Variants in ADGRF5 observed in about 807,000 individuals in gnomAD.
The protein encoded by ADGRF5 is G-protein coupled receptor 116.
Under a neutral mutation model 132.3 loss-of-function variants are expected in ADGRF5, and 75 were observed. The ratio of observed to expected loss-of-function variants is 0.57; its 90% CI spans 0.47 to 0.69. ADGRF5 has a LOEUF of 0.69. ADGRF5 is among the 30% of genes least tolerant of loss of function. ADGRF5 has a pLI of 0.00. For missense variants in ADGRF5, 1,516 were observed against 1,630.6 expected (o/e 0.93, Z 1.21); for synonymous variants, 629 against 597.6 (o/e 1.05, Z -0.77).
In ADGRF5 at chr6:46,881,093, C is replaced by A. The variant is rs1320821223; in HGVS notation, c.814+362G>T. On this transcript the variant is annotated intron_variant, in intron 8 of 20. Transcript: ENST00000283296. ...CCAGCCGGGATGACAGAGGGCTGCA[C>A]TCTGAGGCCTACTGCTCTAAAACAA... Among the ~76,000 whole-genome samples, 3 of 152,194 alleles carry A rather than the reference C, an allele frequency of 2.0e-5. No individual in the cohort carries two copies. In the East Asian group the frequency reaches 5.8e-4, roughly 29 times the overall value.
At position 46,853,842 on chromosome 6, in the gene ADGRF5, A is replaced by G. The variant is rs1768737166; in HGVS notation, c.*150T>C. The G allele has an allele frequency of 1.3e-5, 8 of 601,128 alleles. No individual in the cohort carries two copies. The highest frequency in any genetic ancestry group is 2.1e-5 in the Non-Finnish European group (7 of 338,250). 37.2% of individuals were successfully genotyped at this position (601,128 alleles called of 1,614,324 possible). A position where few individuals can be genotyped will look rare whatever the true frequency, so the allele number is the denominator to read the frequency against. On this transcript the variant is annotated 3_prime_UTR_variant, in exon 21 of 21. Coordinates refer to ENST00000283296, the MANE Select transcript of ADGRF5 (RefSeq NM_001098518.2). Reference sequence around the variant, plus strand: ...AATTATTTTTATTCTGTCTTTACAAAAGAAAGCCTCTTCTCTATGAAAAAG... The same window carrying G: ...AATTATTTTTATTCTGTCTTTACAAGAGAAAGCCTCTTCTCTATGAAAAAG...
intron 3 of ADGRF5, among the ~76,000 whole-genome samples, chr6:46,896,648 T>C (rs1193103929): frequency 7.8e-6 from 1 of 128,782 alleles, no homozygotes; most frequent in Non-Finnish European, 1.6e-5. Flanking sequence ...TAAAGTAATA[T>C]GTGTGAGATA....
intron 1 of ADGRF5, among the ~76,000 whole-genome samples, chr6:46,920,129 T>A (rs1447055467): frequency 1.3e-5 from 2 of 152,238 alleles, no homozygotes; most frequent in African/African-American, 2.4e-5. Flanking sequence ...TCTAGTTAAT[T>A]TCCTGTTATT....
intron 11 of ADGRF5, chr6:46,869,431 A>G: frequency 1.0e-6 from 1 of 974,894 alleles, no homozygotes. Context: ...GCTCCCCTCC[A>G]ACCTCCTCTG....
At chr6:46,897,364 CT>C (rs1019164402) in intron 3 of ADGRF5, among the ~76,000 whole-genome samples, 2 of 151,972 alleles carry the variant, frequency 1.3e-5, no homozygotes, top group Non-Finnish European at 2.9e-5. Context: ...TGTTTTTCTC[CT>C]AGAACCTTTG....
At chr6:46,943,862 A>C (rs1207005422) in intron 1 of ADGRF5, among the ~76,000 whole-genome samples, 1 of 152,194 alleles carries the variant, frequency 6.6e-6, no homozygotes, top group South Asian at 2.1e-4. Context: ...GCGATACAGA[A>C]TTCTCTTCCA....
chr6:46,915,586 C>A (rs182599147), intron 1 of ADGRF5, among the ~76,000 whole-genome samples: 138 of 152,298 alleles, frequency 9.1e-4, no homozygotes, highest in African/African-American at 3.2e-3. Flanking sequence ...GGCCCCCATC[C>A]ATTCCATCTC....
intron 2 of ADGRF5, among the ~76,000 whole-genome samples, chr6:46,903,751 G>C (rs934418825): frequency 5.9e-5 from 9 of 152,058 alleles, no homozygotes; most frequent in African/African-American, 2.2e-4. Context: ...ATATTCAGAG[G>C]GGTTTATTTG....
chr6:46,869,189 G>A lies in ADGRF5; in HGVS notation c.1412-97C>T, dbSNP rs573385505. On this transcript the variant is annotated intron_variant, in intron 11 of 20. Coordinates refer to ENST00000283296, the MANE Select transcript of ADGRF5 (RefSeq NM_001098518.2). ...AACATATGACTGAAACTTCAGAGAG[G>A]GACAGAAAAAAAAAATGAACCATCC... 84 of 1,514,234 alleles carry A rather than the reference G, an allele frequency of 5.5e-5. No homozygotes were observed. In the Admixed American group the frequency reaches 1.2e-3, roughly 21 times the overall value. 93.8% of individuals were successfully genotyped at this position (1,514,234 alleles called of 1,614,324 possible). A position where few individuals can be genotyped will look rare whatever the true frequency, so the allele number is the denominator to read the frequency against.
chr6:46,937,230 G>A (rs933630092), intron 1 of ADGRF5, among the ~76,000 whole-genome samples: 10 of 151,346 alleles, frequency 6.6e-5, no homozygotes, highest in Non-Finnish European at 1.5e-4. Context: ...GAGTGTGTGT[G>A]TGTGTGTGTG....
At chr6:46,920,381 G>A (rs532636945) in intron 1 of ADGRF5, among the ~76,000 whole-genome samples, 1 of 152,234 alleles carries the variant, frequency 6.6e-6, no homozygotes, top group East Asian at 1.9e-4. Context: ...CTTTCACTGA[G>A]AGGAAGGAGT....
Position 46,884,127 on chromosome 6 carries a change from G to T in ADGRF5, c.473C>A (p.Pro158His). 2 of 1,614,080 alleles carry T rather than the reference G, an allele frequency of 1.2e-6. No individual in the cohort carries two copies. Among genetic ancestry groups the T allele is most frequent in the Non-Finnish European group, 1.7e-6 (2 of 1,179,940 alleles). Reference protein sequence around the residue: ...GHHCSCLKELPPNGPFCLLQE... With the variant: ...GHHCSCLKELHPNGPFCLLQE... Reference sequence around the variant, plus strand: ...AAGCAGGCAAAAAGGTCCATTGGGAGGCAGTTCTTTAAGGCAACTGCAATG... The same window carrying T: ...AAGCAGGCAAAAAGGTCCATTGGGATGCAGTTCTTTAAGGCAACTGCAATG... The change falls in exon 5 of 21, where the codon CCT becomes CAT. Residue 158 changes from proline (P) to histidine (H), a missense_variant. By Grantham distance (77) the Pro-to-His change is moderately conservative (BLOSUM62 -2). Coordinates refer to ENST00000283296, the MANE Select transcript of ADGRF5 (RefSeq NM_001098518.2).
chr6:46,894,428 T>C (rs1773968301), intron 3 of ADGRF5, among the ~76,000 whole-genome samples: 1 of 152,182 alleles, frequency 6.6e-6, no homozygotes, highest in Non-Finnish European at 1.5e-5. Context: ...CACCAGACTG[T>C]GAAGTCTAGG....
intron 3 of ADGRF5, among the ~76,000 whole-genome samples, chr6:46,898,457 G>A (rs956050609): frequency 3.3e-5 from 5 of 152,236 alleles, no homozygotes; most frequent in South Asian, 2.1e-4. Flanking sequence ...AGCACAGAAC[G>A]TATATACTGT....
chr6:46,903,800 C>A lies in ADGRF5; in HGVS notation c.102+2861G>T, dbSNP rs571190494. Reference sequence around the variant, plus strand: ...TGCAAAAGCTGCAATTACTTTTGCACCAACCTAATACTAGAATATTAAAAA... The same window carrying A: ...TGCAAAAGCTGCAATTACTTTTGCAACAACCTAATACTAGAATATTAAAAA... On this transcript the variant is annotated intron_variant, in intron 2 of 20. Coordinates refer to ENST00000283296, the MANE Select transcript of ADGRF5 (RefSeq NM_001098518.2). Among the ~76,000 whole-genome samples the A allele has an allele frequency of 6.6e-5, 10 of 152,212 alleles. 3 individuals are homozygous for A. The highest frequency in any genetic ancestry group is 2.4e-4 in the African/African-American group (10 of 41,510).
At chr6:46,936,151 C>A (rs1777812797) in intron 1 of ADGRF5, among the ~76,000 whole-genome samples, 1 of 152,176 alleles carries the variant, frequency 6.6e-6, no homozygotes, top group South Asian at 2.1e-4. Context: ...TCTCTCCTCA[C>A]CCCCATTTTA....
At chr6:46,880,196 C>T (rs893315410) in intron 8 of ADGRF5, among the ~76,000 whole-genome samples, 157 bp from the exon 9 acceptor site, 3 of 152,222 alleles carry the variant, frequency 2.0e-5, no homozygotes, top group African/African-American at 7.2e-5. Flanking sequence ...CATTCCCATG[C>T]AGCTGGTGTC....
intron 1 of ADGRF5, among the ~76,000 whole-genome samples, chr6:46,909,929 G>A (rs1407122613): frequency 6.6e-6 from 1 of 151,958 alleles, no homozygotes; most frequent in South Asian, 2.1e-4. Flanking sequence ...GAGTCCATGA[G>A]CCCTGGAGTT....
chr6:46,878,753 T>G (rs1228748550), intron 9 of ADGRF5, among the ~76,000 whole-genome samples: 1 of 152,220 alleles, frequency 6.6e-6, no homozygotes, highest in Non-Finnish European at 1.5e-5. Flanking sequence ...TTAACCATGT[T>G]GTAAATCAAA....
Sources: gnomAD v4.1 joint callset for allele counts (sites outside exome capture counted in the v4.1 genomes callset) on GRCh38, gnomAD v4.1.1 for gene constraint, MANE v1.5 for transcripts, NCBI Gene and HGNC (gene_info 2026-07-23, HGNC 2026-07-21) for gene names.